Variants in ENTHD1 observed in about 807,000 individuals in gnomAD.
ENTHD1 encodes the protein ENTH domain containing 1, also known as ENTH domain-containing protein 1.
A neutral mutation model predicts 39.1 loss-of-function variants in ENTHD1; 23 were observed. The observed-to-expected ratio is 0.59, with a 90% CI of 0.42 to 0.83. The LOEUF is 0.83. Ranked by LOEUF, ENTHD1 falls within the 40% of genes least tolerant of loss-of-function variation. The probability of loss-of-function intolerance (pLI) is 0.00; values close to 1 mark genes in which losing one functional copy is unlikely to be tolerated. For synonymous variants in ENTHD1, 230 were observed against 258.2 expected, an observed-to-expected ratio of 0.89 and a Z score of 1.05; for missense variants, 624 against 705.4, an observed-to-expected ratio of 0.88 and a Z score of 1.31.
chr22:39,744,361 A>G, intron 6 of ENTHD1, 78 bp from the exon 7 acceptor site: 1 of 1,347,278 alleles, frequency 7.4e-7, no homozygotes, highest in Non-Finnish European at 1.0e-6. Flanking sequence ...TTTATAATGT[A>G]AAAGCCTATC....
At chr22:39,835,699 A>G in intron 4 of ENTHD1, 141 bp downstream of exon 4, 2 of 478,568 alleles carry the variant, frequency 4.2e-6, no homozygotes, top group Non-Finnish European at 7.4e-6. Flanking sequence ...CAGAAAGAAC[A>G]CAGCCCTACG....
At chr22:39,812,366 G>A (rs968056418) in intron 5 of ENTHD1, among the ~76,000 whole-genome samples, 1 of 152,206 alleles carries the variant, frequency 6.6e-6, no homozygotes, top group Non-Finnish European at 1.5e-5. Flanking sequence ...GGACATCCTG[G>A]AAGACAAGAT....
At chr22:39,878,408 A>G (rs572011463) in intron 2 of ENTHD1, among the ~76,000 whole-genome samples, 1 of 152,266 alleles carries the variant, frequency 6.6e-6, no homozygotes, top group South Asian at 2.1e-4. Flanking sequence ...ACAGTCACTG[A>G]TAATTTCCCC....
At chr22:39,834,761 T>C (rs904029535) in intron 4 of ENTHD1, among the ~76,000 whole-genome samples, 2 of 152,214 alleles carry the variant, frequency 1.3e-5, no homozygotes, top group Non-Finnish European at 2.9e-5. Flanking sequence ...CAAAATCTGG[T>C]ATATCCTGAC....
chr22:39,812,415 A>C (rs2065695514), intron 5 of ENTHD1, among the ~76,000 whole-genome samples: 1 of 152,200 alleles, frequency 6.6e-6, no homozygotes, highest in Non-Finnish European at 1.5e-5. Flanking sequence ...AAAGAGTAAC[A>C]AGGAGGCATG....
chr22:39,811,348 C>T (rs546219618), intron 5 of ENTHD1, among the ~76,000 whole-genome samples: 10 of 152,104 alleles, frequency 6.6e-5, no homozygotes, highest in African/African-American at 2.4e-5. Context: ...TAAGCTGCCC[C>T]GACACCTGGA....
intron 3 of ENTHD1, among the ~76,000 whole-genome samples, chr22:39,849,836 C>T (rs753821983): frequency 6.6e-6 from 1 of 152,088 alleles, no homozygotes; most frequent in Non-Finnish European, 1.5e-5. Flanking sequence ...AAATGATGCT[C>T]GTTTCTTCCA....
At chr22:39,758,118 A>G (rs1363302419) in intron 6 of ENTHD1, among the ~76,000 whole-genome samples, 1 of 152,252 alleles carries the variant, frequency 6.6e-6, no homozygotes, top group Non-Finnish European at 1.5e-5. Flanking sequence ...CTAACTATGT[A>G]TCCTGAAATC....
At position 39,765,255 on chromosome 22, in the gene ENTHD1, A is replaced by T; in HGVS notation, c.1187T>A (p.Met396Lys). ...GGTTGTCTTGAGGATTTTATCATCC[A>T]TCTGAATGCTGGATTGTGCTGGTTT... The part of the protein sequence containing the change: ...YQKPAQSSIQ[M>K]DDKILKTTTR... The change falls in exon 6 of 7, where the codon ATG becomes AAG. Residue 396 changes from methionine (M) to lysine (K), a missense_variant. Coordinates refer to ENST00000325157, the MANE Select transcript of ENTHD1 (RefSeq NM_152512.4). The T allele has an allele frequency of 6.2e-7, 1 of 1,612,368 alleles. No homozygotes were observed. The highest frequency in any genetic ancestry group is 8.5e-7 in the Non-Finnish European group (1 of 1,179,404).
intron 5 of ENTHD1, among the ~76,000 whole-genome samples, chr22:39,814,264 G>A (rs942043432): frequency 7.0e-6 from 1 of 143,218 alleles, no homozygotes; most frequent in Non-Finnish European, 1.5e-5. Context: ...TTCGAGACCA[G>A]CCTAGGCAAC....
intron 5 of ENTHD1, among the ~76,000 whole-genome samples, chr22:39,785,522 C>G (rs1210515618): frequency 6.6e-6 from 1 of 152,248 alleles, no homozygotes; most frequent in Non-Finnish European, 1.5e-5. Context: ...TCTTTCTCAT[C>G]TGGCCATGGT....
At chr22:39,784,541 T>TACACAC (rs1491271199) in intron 5 of ENTHD1, among the ~76,000 whole-genome samples, 1 of 115,270 alleles carries the variant, frequency 8.7e-6, no homozygotes, top group African/African-American at 3.6e-5. Flanking sequence ...TCTCTCTCTG[T>TACACAC]ATACACACAC....
intron 6 of ENTHD1, among the ~76,000 whole-genome samples, chr22:39,757,982 C>T (rs1052670341): frequency 6.6e-6 from 1 of 152,136 alleles, no homozygotes; most frequent in African/African-American, 2.4e-5. Context: ...TGAGGCCTCC[C>T]CAGCCATGAG....
intron 3 of ENTHD1, among the ~76,000 whole-genome samples, chr22:39,851,282 A>G (rs1337992297): frequency 2.0e-5 from 3 of 152,162 alleles, no homozygotes. Context: ...TTCTTTAGGC[A>G]TATCTTCTAG....
At chr22:39,765,175 GT>G in intron 6 of ENTHD1, 47 bp downstream of exon 6, 1 of 1,255,632 alleles carries the variant, frequency 8.0e-7, no homozygotes, top group Non-Finnish European at 1.1e-6. Flanking sequence ...GAGGTTTTTT[GT>G]TGTGTGTGTG....
Position 39,812,042 on chromosome 22 carries a change from A to G in ENTHD1, c.832+8951T>C, listed in dbSNP as rs2065692491. On this transcript the variant is annotated intron_variant, in intron 5 of 6. Coordinates refer to ENST00000325157, the MANE Select transcript of ENTHD1 (RefSeq NM_152512.4). ...AAAAAAAAACGACATAGATGAAACC[A>G]GTCCTGAAGCCCATGTAAACAATGC... Among the ~76,000 whole-genome samples the G allele has an allele frequency of 2.0e-5, 3 of 151,378 alleles. 1 individual carries two copies. Among genetic ancestry groups the G allele is most frequent in the Admixed American group, 2.0e-4 (3 of 15,208 alleles).
chr22:39,888,946 C>T (rs1370702118), intron 1 of ENTHD1, among the ~76,000 whole-genome samples: 1 of 152,096 alleles, frequency 6.6e-6, no homozygotes, highest in Non-Finnish European at 1.5e-5. Context: ...GACCCTATGA[C>T]TGTATTCTTT....
At chr22:39,826,446 G>T (rs2065827353) in intron 4 of ENTHD1, among the ~76,000 whole-genome samples, 1 of 148,680 alleles carries the variant, frequency 6.7e-6, no homozygotes. Flanking sequence ...TGTTCTTTAT[G>T]ATTTCCTTTC....
At chr22:39,804,452 C>CAAAAA (rs541007024) in intron 5 of ENTHD1, among the ~76,000 whole-genome samples, 1 of 78,058 alleles carries the variant, frequency 1.3e-5, no homozygotes, top group Non-Finnish European at 2.7e-5. Context: ...GACTCTGTCT[C>CAAAAA]AAAAAAAAAA....
Sources: gnomAD v4.1 joint callset for allele counts (sites outside exome capture counted in the v4.1 genomes callset) on GRCh38, gnomAD v4.1.1 for gene constraint, MANE v1.5 for transcripts, NCBI Gene and HGNC (gene_info 2026-07-23, HGNC 2026-07-21) for gene names.